NLRC5: variants seen among roughly 807,000 people sequenced by gnomAD.
The protein encoded by NLRC5 is protein NLRC5.
Under a neutral mutation model 206.9 loss-of-function variants are expected in NLRC5, and 114 were observed. The observed-to-expected ratio is 0.55, with a 90% CI of 0.47 to 0.64. The LOEUF (loss-of-function observed/expected upper bound fraction) is 0.64. Ranked by LOEUF, NLRC5 falls within the 30% of genes least tolerant of loss-of-function variation. The pLI is 0.00. For missense variants in NLRC5, 2,008 were observed against 2,305.5 expected, an observed-to-expected ratio of 0.87 and a Z score of 2.64; for synonymous variants, 952 against 962.8, an observed-to-expected ratio of 0.99 and a Z score of 0.21.
At chr16:57,039,924 G>A in intron 16 of NLRC5, 75 bp downstream of exon 16, 1 of 1,279,744 alleles carries the variant, frequency 7.8e-7, no homozygotes, top group Non-Finnish European at 1.1e-6. Flanking sequence ...GCTGGGCAGT[G>A]CCAGTCAGTC....
chr16:57,052,071 T>G (rs2064993867), intron 24 of NLRC5, among the ~76,000 whole-genome samples: 2 of 152,028 alleles, frequency 1.3e-5, no homozygotes, highest in South Asian at 4.1e-4. Flanking sequence ...ACTTATCACA[T>G]GCTGCTTTTT....
intron 1 of NLRC5, among the ~76,000 whole-genome samples, chr16:56,991,639 C>G (rs2056874040): frequency 6.7e-6 from 1 of 149,966 alleles, no homozygotes; most frequent in African/African-American, 2.5e-5. Context: ...GCCTCGGCCT[C>G]CTGTGGGATT....
intron 1 of NLRC5, among the ~76,000 whole-genome samples, chr16:56,993,259 T>C (rs1380305632): frequency 6.6e-6 from 1 of 152,126 alleles, no homozygotes; most frequent in African/African-American, 2.4e-5. Context: ...TTTTTAAACT[T>C]AGTGCAATTT....
chr16:57,034,014 G>A, intron 12 of NLRC5, among the ~76,000 whole-genome samples, 154 bp from the exon 13 acceptor site: 1 of 152,214 alleles, frequency 6.6e-6, no homozygotes. Context: ...GACAGGTTAA[G>A]TCCCTTGCTC....
chr16:57,054,932 C>T (rs1166457924), intron 25 of NLRC5, 92 bp downstream of exon 25: 38 of 1,580,890 alleles, frequency 2.4e-5, no homozygotes, highest in Non-Finnish European at 3.0e-5. Context: ...GACAGTAGGA[C>T]CCAACTAGAG....
chr16:57,048,134 C>T (rs1370207739), intron 23 of NLRC5: 1 of 156,216 alleles, frequency 6.4e-6, no homozygotes, highest in Non-Finnish European at 1.4e-5. Context: ...TCTTCATCTG[C>T]ACAGTGGATG....
chr16:57,012,750 T>C (rs1434440379), intron 1 of NLRC5, among the ~76,000 whole-genome samples: 1 of 152,192 alleles, frequency 6.6e-6, no homozygotes, highest in Non-Finnish European at 1.5e-5. Context: ...CCAAAAAGTC[T>C]GGGGACTGCT....
At chr16:57,040,551 G>A (rs545284990) in intron 16 of NLRC5, 99 bp from the exon 17 acceptor site, 1 of 1,162,292 alleles carries the variant, frequency 8.6e-7, no homozygotes, top group Non-Finnish European at 1.3e-6. Flanking sequence ...GACTCTAGGT[G>A]GAGGATAGGG....
At chr16:57,041,869 C>T (rs289727) in intron 18 of NLRC5, 113 bp from the exon 19 acceptor site, 485,062 of 741,580 alleles carry the variant, frequency 0.65, 161,517 homozygotes, top group East Asian at 0.93. Flanking sequence ...GGCCTGGCAG[C>T]CCAGGGCTGT....
At chr16:56,999,548 G>C (rs1313093437) in intron 1 of NLRC5, among the ~76,000 whole-genome samples, 1 of 152,282 alleles carries the variant, frequency 6.6e-6, no homozygotes, top group Non-Finnish European at 1.5e-5. Context: ...GGCAAGGTTG[G>C]AGCTGAGGAG....
At chr16:57,061,355 C>A in intron 30 of NLRC5, 93 bp from the exon 31 acceptor site, 5 of 1,260,482 alleles carry the variant, frequency 4.0e-6, no homozygotes, top group Non-Finnish European at 4.5e-6. Flanking sequence ...AGGTGGGATG[C>A]TCCCCCAATA....
Position 57,045,373 on chromosome 16 carries a change from A to G in NLRC5, c.3204-75A>G, listed in dbSNP as rs1272974009. On this transcript the variant is annotated intron_variant, in intron 20 of 48. Coordinates refer to ENST00000688547, the MANE Select transcript of NLRC5 (RefSeq NM_001384950.1). ...ACCCCAGGCCCTCCTTGCCCTGACC[A>G]GTCTGGGTTCTTGCCACTGCCAGGG... is the stretch of plus-strand genomic sequence containing the variant. 1.1e-5 allele frequency: 16 copies of G among 1,484,058 alleles called. No homozygotes were observed. The African/African-American group carries it at 1.9e-4, about 18-fold the overall frequency. The allele number at this position is 1,484,058 out of a possible 1,614,324, so 91.9% of individuals were successfully genotyped here.
intron 30 of NLRC5, among the ~76,000 whole-genome samples, chr16:57,060,313 A>ACC: frequency 6.6e-6 from 1 of 151,832 alleles, no homozygotes; most frequent in East Asian, 1.9e-4. Flanking sequence ...TCTCCCTCAC[A>ACC]GTCTGATCCA....
chr16:57,054,459 A>G (rs1417404373), intron 24 of NLRC5, among the ~76,000 whole-genome samples: 1 of 152,180 alleles, frequency 6.6e-6, no homozygotes, highest in Non-Finnish European at 1.5e-5. Flanking sequence ...ATGTAATTAA[A>G]TCCTCATATA....
At chr16:57,081,708 G>A (rs966674599) in intron 48 of NLRC5, 98 bp downstream of exon 48, 23 of 1,052,612 alleles carry the variant, frequency 2.2e-5, no homozygotes, top group Non-Finnish European at 3.0e-5. Flanking sequence ...GGCCTGGGCT[G>A]GGGATTATCA....
Position 57,033,596 on chromosome 16 carries a change from C to T in NLRC5, c.2478-8C>T. The T allele has an allele frequency of 2.5e-6, 4 of 1,613,976 alleles. No individual in the cohort carries two copies. In the East Asian group the frequency reaches 8.9e-5, roughly 36 times the overall value. On this transcript the variant is annotated splice_region_variant and splice_polypyrimidine_tract_variant and intron_variant, in intron 11 of 48. Transcript: ENST00000688547. The stretch of plus-strand genomic sequence containing the variant: ...AGCCCAGGCCAATGCTTGATTTGTT[C>T]TTGCCAGAGCTCCAGACCTGCAGGA...
intron 1 of NLRC5, chr16:57,014,131 G>GAAAC (rs1199872555): frequency 5.4e-6 from 1 of 185,814 alleles, no homozygotes; most frequent in Non-Finnish European, 1.1e-5. Flanking sequence ...GAGGCCTTGG[G>GAAAC]AAACATCATC....
chr16:57,032,514 T>C (rs1251840271), intron 11 of NLRC5, among the ~76,000 whole-genome samples: 2 of 152,166 alleles, frequency 1.3e-5, no homozygotes, highest in Non-Finnish European at 2.9e-5. Flanking sequence ...AAAATTTTAA[T>C]GCTATTTCAA....
Position 57,082,424 on chromosome 16 carries a change from A to C in NLRC5, c.5497A>C (p.Asn1833His). ...GSSIQVIRLWNNPIPCDMAQH... is the reference protein window; with the variant it reads ...GSSIQVIRLWHNPIPCDMAQH... The stretch of plus-strand genomic sequence containing the variant: ...TATATCTGTGCCCCACAGCCTCTGG[A>C]ATAACCCCATTCCCTGCGACATGGC... Residue 1833 changes from asparagine to histidine, a missense_variant, in exon 49 of 49, where the codon AAT becomes CAT. Transcript: ENST00000688547. The C allele has an allele frequency of 6.2e-7, 1 of 1,611,676 alleles. No homozygotes were observed. Among genetic ancestry groups the C allele is most frequent in the East Asian group, 2.2e-5 (1 of 44,820 alleles).
Sources: allele counts gnomAD v4.1 joint callset (sites outside exome capture counted in the v4.1 genomes callset), GRCh38; gene constraint gnomAD v4.1.1; transcripts MANE v1.5; gene names NCBI Gene and HGNC (gene_info 2026-07-23, HGNC 2026-07-21).